The following PDE10A variants were observed in gnomAD, a reference collection of about 807,000 sequenced individuals.
PDE10A encodes the protein phosphodiesterase 10A, also known as cAMP and cAMP-inhibited cGMP 3',5'-cyclic phosphodiesterase 10A.
A neutral mutation model predicts 97.7 loss-of-function variants in PDE10A; 39 were observed. The observed-to-expected ratio is 0.40, with a 90% CI of 0.31 to 0.52. The LOEUF (loss-of-function observed/expected upper bound fraction) is 0.52. Among genes scored for constraint, PDE10A ranks in the 20% least tolerant of loss-of-function variants. The pLI is 0.56. For missense variants in PDE10A, 731 were observed against 1,047.8 expected, an observed-to-expected ratio of 0.70 and a Z score of 4.17; for synonymous variants, 371 against 376.8, an observed-to-expected ratio of 0.98 and a Z score of 0.18.
intron 1 of PDE10A, among the ~76,000 whole-genome samples, chr6:165,979,394 A>T (rs1331815967): frequency 6.6e-6 from 1 of 152,242 alleles, no homozygotes; most frequent in Non-Finnish European, 1.5e-5. Context: ...GTCCTGAAGA[A>T]AAATGCTTTT....
At chr6:165,929,513 G>A (rs950794914) in intron 1 of PDE10A, among the ~76,000 whole-genome samples, 5 of 152,312 alleles carry the variant, frequency 3.3e-5, no homozygotes, top group African/African-American at 9.6e-5. Flanking sequence ...GGCTGCCCAC[G>A]GGACCCGGAG....
intron 1 of PDE10A, among the ~76,000 whole-genome samples, chr6:165,625,513 C>T (rs971242342): frequency 6.6e-6 from 1 of 152,160 alleles, no homozygotes; most frequent in African/African-American, 2.4e-5. Flanking sequence ...GTCTAAGATA[C>T]CTGACCGATA....
At chr6:165,832,031 A>C (rs556119725) in intron 1 of PDE10A, among the ~76,000 whole-genome samples, 1 of 152,356 alleles carries the variant, frequency 6.6e-6, no homozygotes, top group South Asian at 2.1e-4. Context: ...GTCAGAAGAG[A>C]CATCAAAGGA....
intron 1 of PDE10A, among the ~76,000 whole-genome samples, chr6:165,898,530 A>G (rs115610277): frequency 1.3e-5 from 2 of 152,058 alleles, no homozygotes; most frequent in Non-Finnish European, 2.9e-5. Flanking sequence ...CACCATCAAA[A>G]CAGCTCCTGT....
intron 1 of PDE10A, among the ~76,000 whole-genome samples, chr6:165,697,072 A>G (rs1258798028): frequency 1.3e-5 from 2 of 152,344 alleles, no homozygotes; most frequent in East Asian, 3.9e-4. Flanking sequence ...ACCCAAATAC[A>G]TATCATGGAA....
intron 1 of PDE10A, among the ~76,000 whole-genome samples, chr6:165,736,352 G>A (rs1485246336): frequency 1.3e-5 from 2 of 152,172 alleles, no homozygotes; most frequent in East Asian, 1.9e-4. Context: ...ATGTGCTTCT[G>A]TAGAGCACAG....
chr6:165,403,125 G>C (rs1786801278), intron 13 of PDE10A, among the ~76,000 whole-genome samples: 1 of 152,156 alleles, frequency 6.6e-6, no homozygotes, highest in African/African-American at 2.4e-5. Flanking sequence ...ACGTTCAATG[G>C]AATAACACGG....
intron 1 of PDE10A, among the ~76,000 whole-genome samples, chr6:165,554,028 A>G (rs1317193495): frequency 6.6e-6 from 1 of 152,176 alleles, no homozygotes; most frequent in Non-Finnish European, 1.5e-5. Context: ...CCAGATCTAC[A>G]GTAACTCGGT....
intron 1 of PDE10A, among the ~76,000 whole-genome samples, chr6:165,749,914 T>A (rs1004049673): frequency 7.9e-5 from 12 of 152,258 alleles, no homozygotes; most frequent in African/African-American, 2.9e-4. Flanking sequence ...TTCTCTCACA[T>A]AACTTTTGTG....
Position 165,331,628 on chromosome 6 carries a change from T to C in PDE10A, c.*1397A>G, listed in dbSNP as rs1781346855. 1 of 152,238 alleles carries C rather than the reference T, an allele frequency of 6.6e-6. No homozygotes were observed. Among genetic ancestry groups the C allele is most frequent in the Non-Finnish European group, 1.5e-5 (1 of 68,040 alleles). The allele number at this position is 152,238 out of a possible 1,614,324, so 9.4% of individuals were successfully genotyped here. A position where few individuals can be genotyped will look rare whatever the true frequency, so the allele number is the denominator to read the frequency against. On this transcript the variant is annotated 3_prime_UTR_variant, in exon 22 of 22. Transcript: ENST00000539869. ...ACTTCCTGAGTGAGTCTCTGTCTAATTCAGGTTTGGAGGTTACCGTGCCAT... is the reference window on the plus strand; with the variant it reads ...ACTTCCTGAGTGAGTCTCTGTCTAACTCAGGTTTGGAGGTTACCGTGCCAT...
chr6:165,516,733 AG>A (rs1243303838), intron 2 of PDE10A, among the ~76,000 whole-genome samples: 1 of 152,334 alleles, frequency 6.6e-6, no homozygotes, highest in East Asian at 1.9e-4. Flanking sequence ...CAAAATCACT[AG>A]GGAAAAATTT....
At chr6:165,368,893 C>T (rs540184313) in intron 18 of PDE10A, among the ~76,000 whole-genome samples, 46 of 152,302 alleles carry the variant, frequency 3.0e-4, no homozygotes, top group South Asian at 1.2e-3. Flanking sequence ...TCCAGAGGAA[C>T]GATCAGACAG....
At chr6:165,507,193 A>G (rs1167534753) in intron 2 of PDE10A, among the ~76,000 whole-genome samples, 1 of 152,084 alleles carries the variant, frequency 6.6e-6, no homozygotes, top group Admixed American at 6.6e-5. Flanking sequence ...CATGCTGGGT[A>G]GTAACACTTA....
intron 13 of PDE10A, among the ~76,000 whole-genome samples, chr6:165,401,261 A>G (rs956252917): frequency 6.6e-6 from 1 of 152,182 alleles, no homozygotes; most frequent in Non-Finnish European, 1.5e-5. Flanking sequence ...AAATTTCAGC[A>G]AAAAAGTCAC....
chr6:165,681,930 T>C (rs1375462502), intron 1 of PDE10A, among the ~76,000 whole-genome samples: 4 of 152,210 alleles, frequency 2.6e-5, no homozygotes, highest in Non-Finnish European at 5.9e-5. Context: ...TCTGAAATTA[T>C]GTGTCGTCAT....
chr6:165,713,993 T>C (rs529619733), intron 1 of PDE10A, among the ~76,000 whole-genome samples: 2 of 152,364 alleles, frequency 1.3e-5, no homozygotes, highest in South Asian at 4.1e-4. Flanking sequence ...GTGTGGTTGA[T>C]GCATACACTG....
chr6:165,789,220 T>G (rs1458090968), intron 1 of PDE10A, among the ~76,000 whole-genome samples: 1 of 152,256 alleles, frequency 6.6e-6, no homozygotes, highest in Admixed American at 6.5e-5. Context: ...TTTTTACATT[T>G]AAATTTAAAA....
At chr6:165,414,226 G>C (rs2128228067) in intron 12 of PDE10A, among the ~76,000 whole-genome samples, 1 of 152,320 alleles carries the variant, frequency 6.6e-6, no homozygotes, top group Non-Finnish European at 1.5e-5. Context: ...CATATTGTCT[G>C]ATTCTGCCAT....
At chr6:165,501,782 G>C (rs1360118386) in intron 2 of PDE10A, among the ~76,000 whole-genome samples, 1 of 152,160 alleles carries the variant, frequency 6.6e-6, no homozygotes, top group Admixed American at 6.5e-5. Flanking sequence ...ACGGCCTTCT[G>C]TCGAACTTGA....
Sources: allele counts gnomAD v4.1 joint callset (sites outside exome capture counted in the v4.1 genomes callset), GRCh38; gene constraint gnomAD v4.1.1; transcripts MANE v1.5; gene names NCBI Gene and HGNC (gene_info 2026-07-23, HGNC 2026-07-21).